MYH16: variants seen among roughly 807,000 people sequenced by gnomAD.
The protein encoded by MYH16 is myosin heavy chain 16.
intron 23 of MYH16, among the ~76,000 whole-genome samples, chr7:99,282,467 AT>A (rs58102151): frequency 4.0e-5 from 6 of 151,032 alleles, no homozygotes; most frequent in South Asian, 2.1e-4. Flanking sequence ...ATAACATTTT[AT>A]TTTTTTTTAT....
intron 31 of MYH16, 70 bp from the exon 13 acceptor site, chr7:99,292,242 G>A (rs374069739): frequency 3.1e-5 from 13 of 417,442 alleles, no homozygotes; most frequent in African/African-American, 1.4e-4. Flanking sequence ...CCAGTGTTAC[G>A]TGTATCTAAG....
At chr7:99,255,565 T>C (rs1791861378) in intron 8 of MYH16, 1 of 152,736 alleles carries the variant, frequency 6.5e-6, no homozygotes, top group South Asian at 2.1e-4. Flanking sequence ...GTTAACCTGC[T>C]TTGCTATTCT....
chr7:99,263,834 G>A (rs375976587), intron 14 of MYH16, among the ~76,000 whole-genome samples: 2 of 152,212 alleles, frequency 1.3e-5, no homozygotes, highest in African/African-American at 4.8e-5. Flanking sequence ...TCCAATAGAG[G>A]TCATGTGGCT....
At chr7:99,267,623 A>G (rs1007606347) in intron 18 of MYH16, among the ~76,000 whole-genome samples, 7 of 152,214 alleles carry the variant, frequency 4.6e-5, no homozygotes, top group African/African-American at 7.2e-5. Context: ...AGCCTGGACA[A>G]TGAAGCACTG....
At chr7:99,298,389 T>G (rs920068846) in intron 36 of MYH16, among the ~76,000 whole-genome samples, 3 of 152,172 alleles carry the variant, frequency 2.0e-5, no homozygotes, top group African/African-American at 7.2e-5. Flanking sequence ...TGTGCCACTG[T>G]GCCCAGCTAA....
chr7:99,240,653 C>T (rs1258418937), intron 1 of MYH16, among the ~76,000 whole-genome samples: 1 of 152,064 alleles, frequency 6.6e-6, no homozygotes, highest in East Asian at 1.9e-4. Context: ...GTGTTTGAGA[C>T]CAGCCTGGGC....
At chr7:99,274,920 C>T (rs1313502717) in intron 20 of MYH16, among the ~76,000 whole-genome samples, 2 of 151,952 alleles carry the variant, frequency 1.3e-5, no homozygotes, top group African/African-American at 4.8e-5. Context: ...GTGATCCACC[C>T]GCCTTGGCCT....
chr7:99,270,232 G>A (rs1792031454), intron 18 of MYH16, among the ~76,000 whole-genome samples: 2 of 151,958 alleles, frequency 1.3e-5, no homozygotes, highest in South Asian at 4.2e-4. Flanking sequence ...TGCATTTTGG[G>A]AGGCTGAGAT....
At position 99,292,992 on chromosome 7, in the gene MYH16, C is replaced by T. The variant is rs1052131263; in HGVS notation, n.4149+484C>T. ...AAAAAAAAAACTACATAAGTGGACA[C>T]CTGAGGAAATAAGGGGGGACATGAA... On this transcript the variant is annotated intron_variant and non_coding_transcript_variant, in intron 32 of 41. Transcript: ENST00000439784. Among the ~76,000 whole-genome samples the T allele has an allele frequency of 9.4e-4, 142 of 151,692 alleles. 1 individual carries two copies. The highest frequency in any genetic ancestry group is 2.7e-4 in the African/African-American group (11 of 41,242).
chr7:99,257,837 G>A (rs144543284), intron 10 of MYH16, among the ~76,000 whole-genome samples: 1 of 152,112 alleles, frequency 6.6e-6, no homozygotes, highest in Non-Finnish European at 1.5e-5. Flanking sequence ...TGTAGAAACG[G>A]GGTCTTGCTA....
exon 21 of MYH16, chr7:99,277,548 C>T (rs1311825424): frequency 4.4e-6 from 2 of 457,066 alleles, no homozygotes; most frequent in East Asian, 6.9e-5. Context: ...GGTCAAGCCA[C>T]TCCTGAATGT....
At chr7:99,299,091 A>T (rs1584359634) in intron 36 of MYH16, among the ~76,000 whole-genome samples, 2 of 151,866 alleles carry the variant, frequency 1.3e-5, no homozygotes, top group South Asian at 2.1e-4. Flanking sequence ...AAAAATAAAA[A>T]AAAAAAATAG....
intron 6 of MYH16, among the ~76,000 whole-genome samples, chr7:99,252,285 C>T (rs937036996): frequency 1.3e-5 from 2 of 152,136 alleles, no homozygotes; most frequent in Admixed American, 6.5e-5. Context: ...GGCCTCGTCT[C>T]CCTCACTCCC....
chr7:99,270,084 A>G (rs1392484825), intron 18 of MYH16, among the ~76,000 whole-genome samples: 1 of 46,898 alleles, frequency 2.1e-5, no homozygotes, highest in African/African-American at 9.0e-5. Flanking sequence ...CACGTTGGCC[A>G]GGCTGGTCTT....
intron 14 of MYH16, among the ~76,000 whole-genome samples, chr7:99,263,720 G>T (rs1397378493): frequency 6.6e-6 from 1 of 152,210 alleles, no homozygotes. Flanking sequence ...CCTCTAGGTG[G>T]ATGGATACTG....
intron 41 of MYH16, among the ~76,000 whole-genome samples, 162 bp from the exon 23 acceptor site, chr7:99,306,447 A>C (rs931323150): frequency 6.6e-6 from 1 of 152,090 alleles, no homozygotes; most frequent in East Asian, 1.9e-4. Flanking sequence ...GAATTGCTGG[A>C]ACCTAGGAGG....
At chr7:99,260,048 G>A (rs1791923098) in intron 11 of MYH16, 1 of 779,202 alleles carries the variant, frequency 1.3e-6, no homozygotes, top group Non-Finnish European at 2.0e-6. Flanking sequence ...GGCAGTGCCT[G>A]ACACTAGTGG....
intron 34 of MYH16, among the ~76,000 whole-genome samples, 159 bp from the exon 16 acceptor site, chr7:99,297,501 T>C (rs1792518569): frequency 6.6e-6 from 1 of 151,980 alleles, no homozygotes; most frequent in Non-Finnish European, 1.5e-5. Flanking sequence ...TATAAGGTTG[T>C]CATGACAATG....
intron 11 of MYH16, among the ~76,000 whole-genome samples, chr7:99,259,331 G>A (rs889245156): frequency 2.0e-5 from 3 of 152,174 alleles, no homozygotes; most frequent in Non-Finnish European, 4.4e-5. Context: ...GTTCAGGCTG[G>A]GGCCGCATGC....
Sources: allele counts gnomAD v4.1 joint callset (sites outside exome capture counted in the v4.1 genomes callset), GRCh38; gene constraint gnomAD v4.1.1; transcripts MANE v1.5; gene names NCBI Gene and HGNC (gene_info 2026-07-23, HGNC 2026-07-21).